Variants in ZNF568 observed in about 807,000 individuals in gnomAD.
ZNF568 encodes zinc finger protein 568, also known as p53 inhibitor of SCO2 activation.
In ZNF568, 11 loss-of-function variants were observed where a neutral mutation model predicts 18.1. The observed-to-expected ratio is 0.61, with a 90% CI of 0.38 to 1.00. The LOEUF (loss-of-function observed/expected upper bound fraction) is 1.00. Ranked by LOEUF, ZNF568 falls within the 50% of genes least tolerant of loss-of-function variation. ZNF568 has a pLI of 0.01. For missense variants in ZNF568, 639 were observed against 768.2 expected (o/e 0.83, Z 1.99); for synonymous variants, 213 against 246.6 (o/e 0.86, Z 1.28).
intron 6 of ZNF568, among the ~76,000 whole-genome samples, chr19:36,948,830 C>G (rs183040231): frequency 2.6e-5 from 4 of 151,914 alleles, no homozygotes; most frequent in Non-Finnish European, 4.4e-5. Context: ...AGCAGTAATG[C>G]GAGGGAACAT....
exon 5 of ZNF568, chr19:36,996,810 G>GAAA (rs2074477188): frequency 6.4e-7 from 1 of 1,550,852 alleles, no homozygotes. Flanking sequence ...AGGAATGTGG[G>GAAA]AAAGCCTTTC....
rs138196528 is a variant in ZNF568 at position 36,945,967 on chromosome 19, C to T, written c.359-3545C>T. On this transcript the variant is annotated intron_variant, in intron 6 of 6. Coordinates refer to ENST00000333987, the MANE Select transcript of ZNF568 (RefSeq NM_198539.4). The stretch of plus-strand genomic sequence containing the variant: ...AAAATTAGCCGGGCGTGGTGGTGTG[C>T]GCCTGTAGTTCCAGCTATTGGGGAG... Among the ~76,000 whole-genome samples the T allele has an allele frequency of 6.2e-3, 939 of 151,764 alleles. 27 individuals are homozygous for T. The highest frequency in any genetic ancestry group is 0.05 in the East Asian group (256 of 5,142).
chr19:36,927,887 T>TATATATATATATATATATATATATTATA (rs1491142078), intron 4 of ZNF568, among the ~76,000 whole-genome samples: 1 of 39,060 alleles, frequency 2.6e-5, no homozygotes. Flanking sequence ...TATATATATA[T>TATATATATATATATATATATATATTATA]TATATATATA....
rs373252190 is a variant in ZNF568 at position 36,992,366 on chromosome 19, G to A, written c.229+520G>A. On this transcript the variant is annotated intron_variant, in intron 4 of 4. Transcript: ENST00000433993. The stretch of plus-strand genomic sequence containing the variant: ...AAAATACAAAAATTAGCTGGGCATG[G>A]TGGCAGGTGCCTGTAGTCCCAGCTA... Among the ~76,000 whole-genome samples the A allele has an allele frequency of 7.6e-4, 116 of 152,140 alleles. 1 individual carries two copies. Among genetic ancestry groups the A allele is most frequent in the African/African-American group, 2.7e-3 (111 of 41,498 alleles).
At chr19:36,922,905 G>A (rs2146267810) in intron 3 of ZNF568, 59 bp downstream of exon 3, 2 of 1,517,304 alleles carry the variant, frequency 1.3e-6, no homozygotes, top group Non-Finnish European at 1.8e-6. Flanking sequence ...TTTGGGGACA[G>A]TGAAAAGAAA....
At position 36,940,048 on chromosome 19, in the gene ZNF568, T is replaced by C. The variant is rs1051784003; in HGVS notation, c.358+2806T>C. On this transcript the variant is annotated intron_variant, in intron 6 of 6. Transcript: ENST00000333987. ...GGTTTATTGTTTATTTCTTCTTCCC[T>C]TGTGAAATATCTTTTACATGACTTC... Among the ~76,000 whole-genome samples, 12 of 152,184 alleles carry C rather than the reference T, an allele frequency of 7.9e-5. 1 individual carries two copies. Among genetic ancestry groups the C allele is most frequent in the Non-Finnish European group, 4.4e-5 (3 of 68,038 alleles).
At chr19:36,921,521 T>G (rs564330016) in intron 2 of ZNF568, among the ~76,000 whole-genome samples, 10 of 152,004 alleles carry the variant, frequency 6.6e-5, no homozygotes, top group African/African-American at 2.4e-4. Flanking sequence ...GTGAGGGGTA[T>G]TAGGAGGATA....
chr19:36,997,153 T>C (rs10405238), exon 5 of ZNF568: 1 of 1,586,400 alleles, frequency 6.3e-7, no homozygotes, highest in Non-Finnish European at 8.6e-7. Context: ...TGGAAAGGTG[T>C]ACAGTTGTGC....
At chr19:36,955,473 T>TGATCTTGTGTCAGCAA (rs1381083194), downstream of ZNF568, among the ~76,000 whole-genome samples, 2 of 152,184 alleles carry the variant, frequency 1.3e-5, no homozygotes, top group East Asian at 3.9e-4. Context: ...GGCGTTTTAC[T>TGATCTTGTGTCAGCAA]GATCTTGTGT....
At chr19:36,958,599 CTTTTTTCTT>C (rs2074124250) in intron 6 of ZNF568, among the ~76,000 whole-genome samples, 1 of 122,740 alleles carries the variant, frequency 8.1e-6, no homozygotes, top group Admixed American at 8.3e-5. Context: ...TTCTTTTTTT[CTTTTTTCTT>C]TTTCTTTCTT....
At chr19:36,954,975 G>A (rs930826336), downstream of ZNF568, among the ~76,000 whole-genome samples, 1 of 151,822 alleles carries the variant, frequency 6.6e-6, no homozygotes, top group African/African-American at 2.4e-5. Context: ...CGCCTCCTGG[G>A]TTCAAGTGAT....
At chr19:36,997,165 T>C (rs1228151931) in exon 5 of ZNF568, 2 of 1,592,070 alleles carry the variant, frequency 1.3e-6, no homozygotes, top group Non-Finnish European at 1.7e-6. Flanking sequence ...CAGTTGTGCC[T>C]CACAGCTGAG....
At chr19:36,919,959 A>G (rs2073423831) in intron 2 of ZNF568, among the ~76,000 whole-genome samples, 1 of 152,180 alleles carries the variant, frequency 6.6e-6, no homozygotes, top group Non-Finnish European at 1.5e-5. Context: ...ACTTTTTATC[A>G]TTACTTTGGA....
chr19:36,958,328 G>A (rs961412298), intron 6 of ZNF568, among the ~76,000 whole-genome samples: 4 of 152,104 alleles, frequency 2.6e-5, no homozygotes, highest in Non-Finnish European at 5.9e-5. Flanking sequence ...CTAGAAGAGA[G>A]GGTAGAGAAT....
chr19:36,929,760 G>A (rs1416328217), intron 4 of ZNF568, among the ~76,000 whole-genome samples: 2 of 151,942 alleles, frequency 1.3e-5, no homozygotes, highest in African/African-American at 4.8e-5. Context: ...GGCTGAGGCA[G>A]GAGGATTGCT....
At chr19:36,997,586 C>T (rs755472145), downstream of ZNF568, 20 of 1,570,192 alleles carry the variant, frequency 1.3e-5, no homozygotes, top group South Asian at 2.3e-4. Context: ...GGTGGTGGCT[C>T]AGAACTTAGT....
intron 4 of ZNF568, among the ~76,000 whole-genome samples, chr19:36,929,961 G>A (rs1355574078): frequency 1.5e-5 from 2 of 129,850 alleles, no homozygotes; most frequent in East Asian, 4.3e-4. Flanking sequence ...TTTTTTTTTT[G>A]GTTCTGTTTG....
intron 1 of ZNF568, among the ~76,000 whole-genome samples, chr19:36,917,091 A>G (rs932365585): frequency 2.0e-5 from 3 of 152,134 alleles, no homozygotes; most frequent in Non-Finnish European, 4.4e-5. Context: ...CCTGAACTCA[A>G]TGCCATACAA....
chr19:36,951,843 A>T lies in ZNF568; in HGVS notation c.*755A>T. On this transcript the variant is annotated 3_prime_UTR_variant, in exon 7 of 7. Coordinates refer to ENST00000333987, the MANE Select transcript of ZNF568 (RefSeq NM_198539.4). ...GGGGTTTCACCATGTTGGCCAGGGTAGTCTTGAACTCCTGACTTCAAAAGT... is the reference window on the plus strand; with the variant it reads ...GGGGTTTCACCATGTTGGCCAGGGTTGTCTTGAACTCCTGACTTCAAAAGT... 1 of 533,622 alleles carries T rather than the reference A, an allele frequency of 1.9e-6. No individual in the cohort carries two copies. Among genetic ancestry groups the T allele is most frequent in the Non-Finnish European group, 2.4e-6 (1 of 418,206 alleles). 33.1% of individuals were successfully genotyped at this position (533,622 alleles called of 1,614,324 possible).
Sources: gnomAD v4.1 joint callset for allele counts (sites outside exome capture counted in the v4.1 genomes callset) on GRCh38, gnomAD v4.1.1 for gene constraint, MANE v1.5 for transcripts, NCBI Gene and HGNC (gene_info 2026-07-23, HGNC 2026-07-21) for gene names.